Variants in ATL2 observed in about 807,000 individuals in gnomAD.
The protein encoded by ATL2 is atlastin GTPase 2.
A neutral mutation model predicts 73.9 loss-of-function variants in ATL2; 31 were observed. The observed-to-expected ratio is 0.42, with a 90% confidence interval of 0.32 to 0.57. The LOEUF (loss-of-function observed/expected upper bound fraction) is 0.57. Among genes scored for constraint, ATL2 ranks in the 20% least tolerant of loss-of-function variants. ATL2 has a pLI of 0.14. For missense variants in ATL2, 738 were observed against 702.6 expected, an observed-to-expected ratio of 1.05 and a Z score of -0.57; for synonymous variants, 291 against 237.5, an observed-to-expected ratio of 1.23 and a Z score of -2.07.
Position 38,315,332 on chromosome 2 carries a change from T to C in ATL2, c.606A>G (p.Val202=), listed in dbSNP as rs376321861. Residue 202 remains valine, a splice_region_variant and synonymous_variant, in exon 5 of 13, where the codon GTA becomes GTG. Transcript: ENST00000378954. ...ALSTMTSSVQ[V]YNLSQNIQED... Reference sequence around the variant, plus strand: ...CTTGAATATTCTGAGACAGATTATATACCTGTTGAAACAAAATTTATTTTG... The same window carrying C: ...CTTGAATATTCTGAGACAGATTATACACCTGTTGAAACAAAATTTATTTTG... 2 of 1,501,920 alleles carry C rather than the reference T, an allele frequency of 1.3e-6. No individual in the cohort carries two copies. Among genetic ancestry groups the C allele is most frequent in the African/African-American group, 1.5e-5 (1 of 67,990 alleles). The allele number at this position is 1,501,920 out of a possible 1,614,324, so 93.0% of individuals were successfully genotyped here.
At chr2:38,377,573 G>A (rs1159482833), upstream of ATL2, among the ~76,000 whole-genome samples, 2 of 152,044 alleles carry the variant, frequency 1.3e-5, no homozygotes, top group Non-Finnish European at 2.9e-5. Flanking sequence ...ACCTCCCTGA[G>A]CTCAGCACCA....
At chr2:38,372,266 A>T (rs1671734955) in intron 1 of ATL2, among the ~76,000 whole-genome samples, 1 of 152,106 alleles carries the variant, frequency 6.6e-6, no homozygotes, top group Admixed American at 6.6e-5. Context: ...TCAACCAACC[A>T]GGAATAGAAA....
At chr2:38,324,139 A>C (rs1264183230) in intron 2 of ATL2, among the ~76,000 whole-genome samples, 2 of 152,136 alleles carry the variant, frequency 1.3e-5, no homozygotes, top group African/African-American at 4.8e-5. Flanking sequence ...TTAGCCAAGC[A>C]TGGTGGTGCA....
At chr2:38,312,148 C>T (rs1289152030) in intron 7 of ATL2, among the ~76,000 whole-genome samples, 2 of 152,080 alleles carry the variant, frequency 1.3e-5, no homozygotes, top group Non-Finnish European at 2.9e-5. Context: ...TTTATGTATC[C>T]TTTGTGTGTG....
Position 38,377,145 on chromosome 2 carries a change from A to G in ATL2, c.116T>C (p.Leu39Pro). The G allele has an allele frequency of 6.2e-7, 1 of 1,609,942 alleles. No homozygotes were observed. Among genetic ancestry groups the G allele is most frequent in the Non-Finnish European group, 8.5e-7 (1 of 1,179,112 alleles). ...AVNHVSSTTS[L>P]GENYEDDDLV... is the part of the protein sequence containing the mutation. ...GCCTCTGCCTCGCTGGCCCGTACCT[A>G]GGGAGGTCGTGGACGAGACGTGGTT... The change falls in exon 1 of 13, where the codon CTA becomes CCA. Residue 39 changes from leucine (L) to proline (P), a missense_variant and splice_region_variant. Physicochemically the swap from Leu to Pro is moderately conservative, Grantham distance 98. Coordinates refer to ENST00000378954, the MANE Select transcript of ATL2 (RefSeq NM_001135673.4).
chr2:38,309,044 A>G (rs1667602052), intron 9 of ATL2, among the ~76,000 whole-genome samples: 1 of 152,100 alleles, frequency 6.6e-6, no homozygotes, highest in Admixed American at 6.5e-5. Context: ...GTGAGAACTT[A>G]GGATGTAAAA....
Position 38,377,223 on chromosome 2 carries a change from G to A in ATL2, c.38C>T (p.Pro13Leu), listed in dbSNP as rs752477183. Residue 13 changes from proline to leucine, a missense_variant, in exon 1 of 13, where the codon CCG becomes CTG. By Grantham distance (98) the Pro-to-Leu change is moderately conservative. Coordinates refer to ENST00000378954, the MANE Select transcript of ATL2 (RefSeq NM_001135673.4). ...TCGCCGGCGCCACAGCCCCTGGTGC[G>A]GTTGCTGCCCTCGCGCTGCCTCGTC... is the stretch of plus-strand genomic sequence containing the variant. ...EGDEAARGQQ[P>L]HQGLWRRRRT... is the part of the protein sequence containing the mutation. The A allele has an allele frequency of 6.0e-5, 96 of 1,605,938 alleles. No individual in the cohort carries two copies. Among genetic ancestry groups the A allele is most frequent in the Non-Finnish European group, 7.1e-5 (83 of 1,177,144 alleles).
chr2:38,339,414 T>C (rs532401368), intron 2 of ATL2, among the ~76,000 whole-genome samples: 17 of 152,278 alleles, frequency 1.1e-4, no homozygotes, highest in African/African-American at 3.4e-4. Context: ...CCAATCAATA[T>C]TGGTTTCTTA....
At chr2:38,343,919 T>C (rs1669873762) in intron 1 of ATL2, among the ~76,000 whole-genome samples, 1 of 152,184 alleles carries the variant, frequency 6.6e-6, no homozygotes. Context: ...CCATGTGAGA[T>C]GTGCCTTTCA....
At chr2:38,354,053 G>A (rs1026481430) in intron 1 of ATL2, 12 of 300,728 alleles carry the variant, frequency 4.0e-5, no homozygotes, top group East Asian at 1.4e-4. Context: ...ATTAGCCGGC[G>A]TGGTGGCACG....
chr2:38,371,319 C>A (rs541370665), intron 1 of ATL2, among the ~76,000 whole-genome samples: 1 of 151,850 alleles, frequency 6.6e-6, no homozygotes, highest in African/African-American at 2.4e-5. Flanking sequence ...CTAACCTGGA[C>A]AACACAGGGA....
chr2:38,364,224 T>C (rs909818724), intron 1 of ATL2, among the ~76,000 whole-genome samples: 8 of 152,040 alleles, frequency 5.3e-5, no homozygotes, highest in African/African-American at 1.9e-4. Context: ...ATTGTACCAC[T>C]GCACTCCAGC....
chr2:38,368,079 C>T (rs1378111958), intron 1 of ATL2, among the ~76,000 whole-genome samples: 1 of 151,902 alleles, frequency 6.6e-6, no homozygotes, highest in African/African-American at 2.4e-5. Context: ...GGACTACAGG[C>T]GCCTGCCACC....
intron 2 of ATL2, among the ~76,000 whole-genome samples, chr2:38,326,048 G>A (rs10208363): frequency 0.25 from 37,229 of 151,810 alleles, 4,597 homozygotes; most frequent in South Asian, 0.36. Context: ...GACCAGCCTG[G>A]GCAACATAAG....
rs540590510 is a variant in ATL2 at position 38,339,394 on chromosome 2, T to C, written c.363+3874A>G. ...GGAACGAAGTCAAGGACTTAGTTAATAGTAATGTACCAATCAATATTGGTT... is the reference window on the plus strand; with the variant it reads ...GGAACGAAGTCAAGGACTTAGTTAACAGTAATGTACCAATCAATATTGGTT... On this transcript the variant is annotated intron_variant, in intron 2 of 12. Coordinates refer to ENST00000378954, the MANE Select transcript of ATL2 (RefSeq NM_001135673.4). Among the ~76,000 whole-genome samples, 5 of 152,272 alleles carry C rather than the reference T, an allele frequency of 3.3e-5. 1 individual carries two copies. In the South Asian group the frequency reaches 1.0e-3, roughly 32 times the overall value.
At chr2:38,342,067 T>G (rs1281719229) in intron 2 of ATL2, among the ~76,000 whole-genome samples, 1 of 152,064 alleles carries the variant, frequency 6.6e-6, no homozygotes, top group East Asian at 1.9e-4. Flanking sequence ...ATTCCCTCAG[T>G]CCAACTTGCA....
At chr2:38,314,435 T>C (rs1191205644) in intron 6 of ATL2, among the ~76,000 whole-genome samples, 173 bp downstream of exon 6, 5 of 116,838 alleles carry the variant, frequency 4.3e-5, no homozygotes, top group Non-Finnish European at 8.7e-5. Flanking sequence ...TTTATCCTGT[T>C]CGCCTACTGA....
chr2:38,355,683 A>G (rs910126716), intron 1 of ATL2, among the ~76,000 whole-genome samples: 8 of 150,902 alleles, frequency 5.3e-5, no homozygotes, highest in African/African-American at 2.0e-4. Flanking sequence ...AGATAAATGC[A>G]TAGTCACATT....
At chr2:38,332,522 A>T (rs1399338511) in intron 2 of ATL2, among the ~76,000 whole-genome samples, 1 of 152,174 alleles carries the variant, frequency 6.6e-6, no homozygotes, top group Non-Finnish European at 1.5e-5. Flanking sequence ...AACATTTTTA[A>T]ATTAATTGGG....
Sources: gnomAD v4.1 joint callset for allele counts (sites outside exome capture counted in the v4.1 genomes callset) on GRCh38, gnomAD v4.1.1 for gene constraint, MANE v1.5 for transcripts, NCBI Gene and HGNC (gene_info 2026-07-23, HGNC 2026-07-21) for gene names.